The following ZMPSTE24 variants were observed in gnomAD, a reference collection of about 807,000 sequenced individuals.
ZMPSTE24 encodes the protein CAAX prenyl protease 1 homolog.
Under a neutral mutation model 56.7 loss-of-function variants are expected in ZMPSTE24, and 48 were observed. The ratio of observed to expected loss-of-function variants is 0.85; its 90% CI spans 0.67 to 1.08. The LOEUF (loss-of-function observed/expected upper bound fraction) is 1.08. Among genes scored for constraint, ZMPSTE24 ranks in the 50% least tolerant of loss-of-function variants. ZMPSTE24 has a pLI of 0.00. For synonymous variants in ZMPSTE24, 172 were observed against 195.2 expected (o/e 0.88, Z 0.99); for missense variants, 503 against 548.7 (o/e 0.92, Z 0.83).
intron 6 of ZMPSTE24, among the ~76,000 whole-genome samples, chr1:40,273,471 C>A (rs1299196412): frequency 7.8e-6 from 1 of 127,946 alleles, no homozygotes; most frequent in African/African-American, 3.0e-5. Context: ...GAGCCAAGAT[C>A]AAGCCATTGC....
At chr1:40,259,300 T>G (rs776966999) in intron 1 of ZMPSTE24, 3 of 152,154 alleles carry the variant, frequency 2.0e-5, no homozygotes, top group Non-Finnish European at 4.4e-5. Flanking sequence ...TTTAGAGATC[T>G]GAACTTTTAT....
intron 1 of ZMPSTE24, among the ~76,000 whole-genome samples, chr1:40,260,187 A>G (rs1220494316): frequency 6.6e-6 from 1 of 150,942 alleles, no homozygotes; most frequent in Non-Finnish European, 1.5e-5. Flanking sequence ...CAGCCCCCCA[A>G]ATAGCTGGGA....
chr1:40,266,801 A>C (rs1285394016), intron 2 of ZMPSTE24, among the ~76,000 whole-genome samples: 1 of 109,584 alleles, frequency 9.1e-6, no homozygotes, highest in East Asian at 2.6e-4. Context: ...ACAGGGTCTC[A>C]TTCTGTCACC....
At chr1:40,272,481 C>T (rs1216444689) in intron 6 of ZMPSTE24, among the ~76,000 whole-genome samples, 1 of 152,130 alleles carries the variant, frequency 6.6e-6, no homozygotes, top group African/African-American at 2.4e-5. Flanking sequence ...CTTGTCTCCT[C>T]CAAGAAAATA....
At position 40,260,915 on chromosome 1, in the gene ZMPSTE24, C is replaced by G. The variant is rs749377021; in HGVS notation, c.200C>G (p.Ser67Cys). ...ATGGATTCTGAAACATTTGAGAAAT[C>G]TCGACTCTATCAACTGGATAAAAGC... ...QIMDSETFEKSRLYQLDKSTF... is the reference protein window; with the variant it reads ...QIMDSETFEKCRLYQLDKSTF... The change falls in exon 2 of 10, where the codon TCT (serine) becomes TGT (cysteine). Residue 67 changes from serine to cysteine, a missense_variant. Physicochemically the swap from Ser to Cys is moderately radical, Grantham distance 112. Transcript: ENST00000372759. The G allele has an allele frequency of 1.2e-6, 2 of 1,614,034 alleles. No individual in the cohort carries two copies. The highest frequency in any genetic ancestry group is 1.7e-5 in the Admixed American group (1 of 60,010).
intron 8 of ZMPSTE24, among the ~76,000 whole-genome samples, chr1:40,290,244 G>T (rs1643826873): frequency 6.6e-6 from 1 of 151,018 alleles, no homozygotes. Flanking sequence ...AATTAGCCGG[G>T]CATGGTGGGG....
chr1:40,282,397 G>A (rs1373054447), intron 7 of ZMPSTE24, among the ~76,000 whole-genome samples: 5 of 152,214 alleles, frequency 3.3e-5, no homozygotes, highest in Admixed American at 6.5e-5. Context: ...ATCAGTATTT[G>A]TATGTGTGAT....
At position 40,292,598 on chromosome 1, in the gene ZMPSTE24, T is replaced by C. The variant is rs763585122; in HGVS notation, c.1357T>C (p.Ser453Pro). The stretch of plus-strand genomic sequence containing the variant: ...ATTCCCTGTTTCTGACTGGTTGTTC[T>C]CAATGTGGCATTATTCTCATCCTCC... ...LGFPVSDWLF[S>P]MWHYSHPPLL... The change falls in exon 10 of 10, where the codon TCA becomes CCA. Residue 453 changes from serine to proline, a missense_variant. By Grantham distance (74) the Ser-to-Pro change is moderately conservative. Transcript: ENST00000372759. 1 of 1,614,162 alleles carries C rather than the reference T, an allele frequency of 6.2e-7. No individual in the cohort carries two copies. Among genetic ancestry groups the C allele is most frequent in the Non-Finnish European group, 8.5e-7 (1 of 1,180,010 alleles).
At chr1:40,273,945 A>C (rs1643644663) in intron 6 of ZMPSTE24, among the ~76,000 whole-genome samples, 1 of 151,654 alleles carries the variant, frequency 6.6e-6, no homozygotes, top group Non-Finnish European at 1.5e-5. Flanking sequence ...TATGAGAGCT[A>C]TTTTCATTTT....
At chr1:40,266,761 GTTTTTTTTTTTTT>G (rs3075102) in intron 2 of ZMPSTE24, among the ~76,000 whole-genome samples, 1 of 88,116 alleles carries the variant, frequency 1.1e-5, no homozygotes, top group South Asian at 4.3e-4. Context: ...TTTCGAACAA[GTTTTTTTTTTTTT>G]TTTTTTTTTT....
At chr1:40,267,101 T>C (rs907077700) in intron 2 of ZMPSTE24, among the ~76,000 whole-genome samples, 1 of 152,040 alleles carries the variant, frequency 6.6e-6, no homozygotes, top group African/African-American at 2.4e-5. Context: ...TGTGATTTTG[T>C]TGTGGTCTTT....
intron 9 of ZMPSTE24, 102 bp downstream of exon 9, chr1:40,291,099 C>A (rs1643839261): frequency 6.9e-7 from 1 of 1,454,994 alleles, no homozygotes; most frequent in Non-Finnish European, 9.4e-7. Flanking sequence ...ACAGTTTTAA[C>A]AAATAGATGA....
chr1:40,267,517 A>C (rs892984220), intron 2 of ZMPSTE24, among the ~76,000 whole-genome samples: 7 of 151,336 alleles, frequency 4.6e-5, no homozygotes, highest in African/African-American at 1.7e-4. Context: ...GGTACGCACT[A>C]TCAGGCCCAG....
chr1:40,267,048 A>ATATG (rs1474398595), intron 2 of ZMPSTE24, among the ~76,000 whole-genome samples: 1 of 151,984 alleles, frequency 6.6e-6, no homozygotes, highest in Non-Finnish European at 1.5e-5. Flanking sequence ...GATTACAGGC[A>ATATG]TATGCTACCA....
chr1:40,267,328 TTTTG>T (rs1237975808), intron 2 of ZMPSTE24, among the ~76,000 whole-genome samples: 1 of 146,504 alleles, frequency 6.8e-6, no homozygotes, highest in Admixed American at 6.9e-5. Flanking sequence ...AAATATTTTA[TTTTG>T]TTATTTTATT....
chr1:40,269,873 T>A, intron 4 of ZMPSTE24, 102 bp from the exon 5 acceptor site: 1 of 1,381,398 alleles, frequency 7.2e-7, no homozygotes, highest in Middle Eastern at 2.0e-4. Context: ...ATGTTAATTT[T>A]AAAAATTGCT....
chr1:40,284,927 CT>C (rs201590300), intron 7 of ZMPSTE24, among the ~76,000 whole-genome samples: 105 of 126,950 alleles, frequency 8.3e-4, no homozygotes, highest in South Asian at 2.5e-3. Flanking sequence ...AACATCATCC[CT>C]TTTTTTTTTT....
At chr1:40,266,162 A>G (rs984059513) in intron 2 of ZMPSTE24, among the ~76,000 whole-genome samples, 2 of 152,204 alleles carry the variant, frequency 1.3e-5, no homozygotes, top group African/African-American at 2.4e-5. Flanking sequence ...AAATCACTAT[A>G]TTATTTGTAG....
intron 6 of ZMPSTE24, among the ~76,000 whole-genome samples, chr1:40,278,427 G>A (rs1471483291): frequency 2.7e-5 from 4 of 150,546 alleles, no homozygotes; most frequent in South Asian, 2.1e-4. Context: ...GCGTGGTAGC[G>A]GGCGCCTGTA....
Sources: gnomAD v4.1 joint callset for allele counts (sites outside exome capture counted in the v4.1 genomes callset) on GRCh38, gnomAD v4.1.1 for gene constraint, MANE v1.5 for transcripts, NCBI Gene and HGNC (gene_info 2026-07-23, HGNC 2026-07-21) for gene names.